Variants in TREML2 observed in about 807,000 individuals in gnomAD.
TREML2 encodes the protein triggering receptor expressed on myeloid cells like 2, also known as trem-like transcript 2 protein.
In TREML2, 24 loss-of-function variants were observed where a neutral mutation model predicts 25.9. The observed-to-expected ratio is 0.93, with a 90% CI of 0.67 to 1.30. The LOEUF is 1.30. Ranked by LOEUF, TREML2 falls within the 50% of genes most tolerant of loss-of-function variation. The probability of loss-of-function intolerance (pLI) is 0.00; values close to 1 mark genes in which losing one functional copy is unlikely to be tolerated. For synonymous variants in TREML2, 139 were observed against 155.2 expected (o/e 0.90, Z 0.77); for missense variants, 359 against 395.6 (o/e 0.91, Z 0.78).
In TREML2 at chr6:41,200,968, T is replaced by C; in HGVS notation, c.41A>G (p.Gln14Arg). ...TCTCCCCTCACCTGAGACGCAACCC[T>C]GTGGCCACAGCAGCAGCAGCAGCAG... is the stretch of plus-strand genomic sequence containing the variant. ...AFLLLLLLWP[Q>R]GCVSGPSADS... is the part of the protein sequence containing the mutation. Residue 14 changes from glutamine (Q) to arginine (R), a missense_variant, in exon 1 of 5, where the codon CAG (glutamine) becomes CGG (arginine). Physicochemically the swap from Gln to Arg is conservative, Grantham distance 43 (BLOSUM62 1). Transcript: ENST00000483722. 1 of 1,579,338 alleles carries C rather than the reference T, an allele frequency of 6.3e-7. No individual in the cohort carries two copies. Among genetic ancestry groups the C allele is most frequent in the Non-Finnish European group, 8.6e-7 (1 of 1,162,648 alleles).
Position 41,192,314 on chromosome 6 carries a change from C to A in TREML2, c.*113G>T. The A allele has an allele frequency of 1.2e-6, 1 of 848,314 alleles. No individual in the cohort carries two copies. The highest frequency in any genetic ancestry group is 1.9e-6 in the Non-Finnish European group (1 of 518,582). The allele number at this position is 848,314 out of a possible 1,614,324, so 52.5% of individuals were successfully genotyped here. ...TTTGGGAAGTCCTGGGTGAGTCCAG[C>A]ACTGCACAAGTCCTCCAGCTTCATA... On this transcript the variant is annotated 3_prime_UTR_variant, in exon 5 of 5. Coordinates refer to ENST00000483722, the MANE Select transcript of TREML2 (RefSeq NM_024807.4).
At chr6:41,200,880 G>A in intron 1 of TREML2, 74 bp downstream of exon 1, 3 of 1,310,046 alleles carry the variant, frequency 2.3e-6, no homozygotes, top group Non-Finnish European at 3.1e-6. Flanking sequence ...TGGTAAGGAG[G>A]GTAAGAAAAA....
rs147506354 is a variant in TREML2 at position 41,198,325 on chromosome 6, C to T, written c.160G>A (p.Val54Ile). Residue 54 changes from valine (V) to isoleucine (I), a missense_variant, in exon 2 of 5, where the codon GTT (valine) becomes ATT (isoleucine). Val to Ile is a conservative substitution (Grantham distance 29). Transcript: ENST00000483722. ...KGYKNRVEGK[V>I]WCKIRKKKCE... ...TTCTTCTTCCTGATTTTGCACCAAA[C>T]CTTGCCCTCCACGCGGTTTTTGTAG... The T allele has an allele frequency of 2.3e-5, 37 of 1,614,234 alleles. No homozygotes were observed. Among genetic ancestry groups the T allele is most frequent in the Admixed American group, 3.3e-5 (2 of 60,026 alleles).
chr6:41,192,369 T>G lies in TREML2; in HGVS notation c.*58A>C. ...CGATACTGGCCCCAATCTTCACCCCTCCTCTAACCCCCTGGGGCCACTCTG... is the reference window on the plus strand; with the variant it reads ...CGATACTGGCCCCAATCTTCACCCCGCCTCTAACCCCCTGGGGCCACTCTG... On this transcript the variant is annotated 3_prime_UTR_variant, in exon 5 of 5. Coordinates refer to ENST00000483722, the MANE Select transcript of TREML2 (RefSeq NM_024807.4). 1 of 1,385,966 alleles carries G rather than the reference T, an allele frequency of 7.2e-7. No homozygotes were observed. The highest frequency in any genetic ancestry group is 1.0e-6 in the Non-Finnish European group (1 of 978,666). The allele number at this position is 1,385,966 out of a possible 1,614,324, so 85.9% of individuals were successfully genotyped here.
At position 41,190,068 on chromosome 6, in the gene TREML2, G is replaced by T. The variant is rs193214814; in HGVS notation, c.*2359C>A. Among the ~76,000 whole-genome samples, 267 of 152,220 alleles carry T rather than the reference G, an allele frequency of 1.8e-3. No individual in the cohort carries two copies. The highest frequency in any genetic ancestry group is 2.6e-3 in the Non-Finnish European group (175 of 68,018). Reference sequence around the variant, plus strand: ...TGTAGTCTGTCTTATCTATGAGGCTGTGGGCATGTCTTAGGCAAGCCCCCC... The same window carrying T: ...TGTAGTCTGTCTTATCTATGAGGCTTTGGGCATGTCTTAGGCAAGCCCCCC... On this transcript the variant is annotated 3_prime_UTR_variant, in exon 5 of 5. Transcript: ENST00000483722.
In TREML2 at chr6:41,191,205, G is replaced by A; in HGVS notation, c.*1222C>T. On this transcript the variant is annotated 3_prime_UTR_variant, in exon 5 of 5. Coordinates refer to ENST00000483722, the MANE Select transcript of TREML2 (RefSeq NM_024807.4). The stretch of plus-strand genomic sequence containing the variant: ...TGTGTGTGTGTGTGTGTGTGTGTGT[G>A]TGTGTGTGTGTGTGTGTAGGGGAAT... The A allele has an allele frequency of 6.3e-6, 1 of 159,072 alleles. No individual in the cohort carries two copies. Among genetic ancestry groups the A allele is most frequent in the Non-Finnish European group, 1.3e-5 (1 of 74,120 alleles). The allele number at this position is 159,072 out of a possible 1,614,324, so 9.9% of individuals were successfully genotyped here.
rs1032530892 is a variant in TREML2, at chr6:41,191,581, G to A, written c.*846C>T. 1.3e-5 allele frequency: 2 copies of A among 152,262 alleles called. No homozygotes were observed. The highest frequency in any genetic ancestry group is 4.8e-5 in the African/African-American group (2 of 41,434). The allele number at this position is 152,262 out of a possible 1,614,324, so 9.4% of individuals were successfully genotyped here. ...GAGCCAAGGTCTCAGCCACCCCAGG[G>A]TATGGACTTCCTGGAGGCTGCTGGG... On this transcript the variant is annotated 3_prime_UTR_variant, in exon 5 of 5. Transcript: ENST00000483722.
rs571042538 is a variant in TREML2 at position 41,192,170 on chromosome 6, A to G, written c.*257T>C. 1.6e-5 allele frequency: 8 copies of G among 497,128 alleles called. No homozygotes were observed. The highest frequency in any genetic ancestry group is 2.9e-5 in the Non-Finnish European group (8 of 271,684). 30.8% of individuals were successfully genotyped at this position (497,128 alleles called of 1,614,324 possible). On this transcript the variant is annotated 3_prime_UTR_variant, in exon 5 of 5. Transcript: ENST00000483722. ...GGGTCTGCAGCTCCGAGCAGAAACC[A>G]CTGGTCACATTTCCTCGGGACTTTC... is the stretch of plus-strand genomic sequence containing the variant.
chr6:41,195,540 C>T (rs895669084), intron 2 of TREML2, among the ~76,000 whole-genome samples: 2 of 152,142 alleles, frequency 1.3e-5, no homozygotes, highest in Admixed American at 1.3e-4. Flanking sequence ...AGGGCAATTT[C>T]CTAAGGGCCA....
At position 41,192,486 on chromosome 6, in the gene TREML2, G is replaced by T; in HGVS notation, c.907C>A (p.Pro303Thr). The change falls in exon 5 of 5, where the codon CCT (proline) becomes ACT (threonine). Residue 303 changes from proline (P) to threonine (T), a missense_variant. Physicochemically the swap from Pro to Thr is conservative, Grantham distance 38. Transcript: ENST00000483722. ...CTTCCAGGTGGGTCACGTGTAGAAG[G>T]ATCGCTGCACATGCTGTAGCCTGCA... is the stretch of plus-strand genomic sequence containing the variant. ...HMASYSMCSD[P>T]STRDPPGRPE... 1.2e-6 allele frequency: 2 copies of T among 1,613,962 alleles called. No individual in the cohort carries two copies. Among genetic ancestry groups the T allele is most frequent in the Non-Finnish European group, 1.7e-6 (2 of 1,179,942 alleles).
In TREML2 at chr6:41,194,588, A is replaced by G. The variant is rs769876403; in HGVS notation, c.622T>C (p.Ser208Pro). Residue 208 changes from serine (S) to proline (P), a missense_variant, in exon 3 of 5, where the codon TCC becomes CCC. By Grantham distance (74) the Ser-to-Pro change is moderately conservative. Coordinates refer to ENST00000483722, the MANE Select transcript of TREML2 (RefSeq NM_024807.4). ...TSQGPRRTMG[S>P]QTVTASPSNA... ...CTGGGAGACGCGGTCACTGTCTGGG[A>G]CCCCATGGTCCTCCTGGGTCCCTGG... 3.1e-6 allele frequency: 5 copies of G among 1,613,934 alleles called. No individual in the cohort carries two copies. The East Asian group carries it at 1.1e-4, about 36-fold the overall frequency.
Position 41,192,491 on chromosome 6 carries a change from CTGCACA to C in TREML2, c.896_901del (p.Met299_Cys300del). On this transcript the variant is annotated inframe_deletion, in exon 5 of 5. Coordinates refer to ENST00000483722, the MANE Select transcript of TREML2 (RefSeq NM_024807.4). ...AGGTGGGTCACGTGTAGAAGGATCGCTGCACATGCTGTAGCCTGCAAGAAACAGGGA... is the reference window on the plus strand; with the variant it reads ...AGGTGGGTCACGTGTAGAAGGATCGCTGCTGTAGCCTGCAAGAAACAGGGA... The C allele has an allele frequency of 6.2e-7, 1 of 1,613,942 alleles. No individual in the cohort carries two copies. The highest frequency in any genetic ancestry group is 8.5e-7 in the Non-Finnish European group (1 of 1,179,916).
chr6:41,196,372 G>A (rs982960236), intron 2 of TREML2, among the ~76,000 whole-genome samples: 2 of 152,254 alleles, frequency 1.3e-5, no homozygotes, highest in South Asian at 2.1e-4. Flanking sequence ...TTAGGTGAAC[G>A]GGGAAGGATG....
At chr6:41,196,212 A>G (rs1438220430) in intron 2 of TREML2, among the ~76,000 whole-genome samples, 2 of 152,238 alleles carry the variant, frequency 1.3e-5, no homozygotes, top group Non-Finnish European at 2.9e-5. Context: ...TAATGTTTCT[A>G]TCCCTAAATA....
In TREML2 at chr6:41,192,326, C is replaced by A; in HGVS notation, c.*101G>T. On this transcript the variant is annotated 3_prime_UTR_variant, in exon 5 of 5. Transcript: ENST00000483722. ...TGGGTGAGTCCAGCACTGCACAAGT[C>A]CTCCAGCTTCATAAGATCGATACTG... 1.0e-6 allele frequency: 1 copy of A among 962,894 alleles called. No homozygotes were observed. The highest frequency in any genetic ancestry group is 1.4e-5 in the South Asian group (1 of 72,002). 59.6% of individuals were successfully genotyped at this position (962,894 alleles called of 1,614,324 possible).
At chr6:41,193,343 G>A (rs920262540) in intron 3 of TREML2, among the ~76,000 whole-genome samples, 1 of 152,090 alleles carries the variant, frequency 6.6e-6, no homozygotes, top group Non-Finnish European at 1.5e-5. Flanking sequence ...CCTTTTCTGT[G>A]GGTGGGAGGC....
chr6:41,198,521 A>T (rs916262297), intron 1 of TREML2, 92 bp from the exon 2 acceptor site: 81 of 1,328,450 alleles, frequency 6.1e-5, no homozygotes, highest in Non-Finnish European at 5.6e-5. Context: ...GGTAGAGTGG[A>T]TATTGTCCTG....
Position 41,191,438 on chromosome 6 carries a change from A to G in TREML2, c.*989T>C, listed in dbSNP as rs1472945684. 6.6e-6 allele frequency: 1 copy of G among 152,172 alleles called. No homozygotes were observed. Among genetic ancestry groups the G allele is most frequent in the Non-Finnish European group, 1.5e-5 (1 of 68,146 alleles). 9.4% of individuals were successfully genotyped at this position (152,172 alleles called of 1,614,324 possible). The stretch of plus-strand genomic sequence containing the variant: ...TGGTCAGTTCCAAGTTACTGTCTTC[A>G]CTGTGTCCCAAGTGTGTCTTCTCTC... On this transcript the variant is annotated 3_prime_UTR_variant, in exon 5 of 5. Coordinates refer to ENST00000483722, the MANE Select transcript of TREML2 (RefSeq NM_024807.4).
At position 41,194,725 on chromosome 6, in the gene TREML2, G is replaced by A; in HGVS notation, c.485C>T (p.Thr162Ile). 6.2e-7 allele frequency: 1 copy of A among 1,614,088 alleles called. No individual in the cohort carries two copies. Among genetic ancestry groups the A allele is most frequent in the Non-Finnish European group, 8.5e-7 (1 of 1,179,976 alleles). Reference protein sequence around the residue: ...APTSGPDAPFTTGVMVFTPGL... With the variant: ...APTSGPDAPFITGVMVFTPGL... ...TGGGGTGAACACCATCACACCAGTG[G>A]TAAAAGGGGCATCAGGGCCTGAGGT... Residue 162 changes from threonine to isoleucine, a missense_variant, in exon 3 of 5, where the codon ACC becomes ATC. Thr to Ile is a moderately conservative substitution (Grantham distance 89, BLOSUM62 -1). Coordinates refer to ENST00000483722, the MANE Select transcript of TREML2 (RefSeq NM_024807.4).
Sources: gnomAD v4.1 joint callset for allele counts (sites outside exome capture counted in the v4.1 genomes callset) on GRCh38, gnomAD v4.1.1 for gene constraint, MANE v1.5 for transcripts, NCBI Gene and HGNC (gene_info 2026-07-23, HGNC 2026-07-21) for gene names.